The following NSL1 variants were observed in gnomAD, a reference collection of about 807,000 sequenced individuals.
The protein encoded by NSL1 is kinetochore-associated protein NSL1 homolog.
A neutral mutation model predicts 25.4 loss-of-function variants in NSL1; 11 were observed. The ratio of observed to expected loss-of-function variants is 0.43; its 90% CI spans 0.27 to 0.72. NSL1 has a LOEUF of 0.72. Among genes scored for constraint, NSL1 ranks in the 30% least tolerant of loss-of-function variants. The pLI is 0.19. For synonymous variants in NSL1, 118 were observed against 120.6 expected (o/e 0.98, Z 0.14); for missense variants, 330 against 342.7 (o/e 0.96, Z 0.29).
Position 212,745,874 on chromosome 1 carries a change from T to A in NSL1, c.500-6273A>T, listed in dbSNP as rs146974960. On this transcript the variant is annotated intron_variant, in intron 4 of 5. Coordinates refer to ENST00000366977, the MANE Select transcript of NSL1 (RefSeq NM_015471.4). ...CAGCTACTCAGGAGACTGAGGTGGA[T>A]GGATCACCTGAGCCCAGGGAGGCTG... is the stretch of plus-strand genomic sequence containing the variant. 2.2e-3 allele frequency among the ~76,000 whole-genome samples: 339 copies of A among 152,172 alleles called. 1 individual carries two copies. The highest frequency in any genetic ancestry group is 7.6e-3 in the African/African-American group (317 of 41,490).
chr1:212,783,034 T>C (rs1191952377), intron 3 of NSL1, among the ~76,000 whole-genome samples: 2 of 152,148 alleles, frequency 1.3e-5, no homozygotes, highest in African/African-American at 4.8e-5. Context: ...CAGCCAGCTG[T>C]GGTGACTCAC....
chr1:212,775,601 G>GA lies in NSL1; in HGVS notation c.499+6770dup, dbSNP rs202017196. 8.6e-3 allele frequency among the ~76,000 whole-genome samples: 1,016 copies of GA among 117,882 alleles called. 13 individuals are homozygous for GA. Among genetic ancestry groups the GA allele is most frequent in the African/African-American group, 0.031 (837 of 27,328 alleles). The allele number at this position is 117,882 out of a possible 152,430, so 77.3% of individuals were successfully genotyped here. On this transcript the variant is annotated intron_variant, in intron 4 of 5. Coordinates refer to ENST00000366977, the MANE Select transcript of NSL1 (RefSeq NM_015471.4). ...ATATAGAAAGACCCCACCTCTACCA[G>GA]AAAAAAAAAACAAAACAAAACTCAA...
Position 212,791,677 on chromosome 1 carries a change from G to A in NSL1, c.87C>T (p.Ser29=). Residue 29 remains serine (S), a synonymous_variant, in exon 1 of 6, where the codon TCC becomes TCT. Coordinates refer to ENST00000366977, the MANE Select transcript of NSL1 (RefSeq NM_015471.4). ...AAGTESQALV[S]ATPREDFRVR... is the part of the protein sequence containing the mutation. ...CCCGAAAGTCTTCTCGGGGAGTGGC[G>A]GAGACCAAGGCCTGGCTCTCTGTGC... The A allele has an allele frequency of 6.2e-7, 1 of 1,613,910 alleles. No homozygotes were observed. Among genetic ancestry groups the A allele is most frequent in the Non-Finnish European group, 8.5e-7 (1 of 1,180,000 alleles).
At chr1:212,781,353 T>C (rs1660725798) in intron 4 of NSL1, among the ~76,000 whole-genome samples, 1 of 152,206 alleles carries the variant, frequency 6.6e-6, no homozygotes, top group Admixed American at 6.5e-5. Context: ...ACCACAAGTT[T>C]CAATTACTGT....
chr1:212,729,443 A>C lies in NSL1; in HGVS notation c.*8965T>G, dbSNP rs535339314. On this transcript the variant is annotated 3_prime_UTR_variant, in exon 6 of 6. Coordinates refer to ENST00000366977, the MANE Select transcript of NSL1 (RefSeq NM_015471.4). ...TGTAATAAAAGGTGTGGCTACGAAAAATCATTTTACAATATTGTCTGGCAC... is the reference window on the plus strand; with the variant it reads ...TGTAATAAAAGGTGTGGCTACGAAACATCATTTTACAATATTGTCTGGCAC... The C allele has an allele frequency of 1.0e-6, 1 of 985,434 alleles. No individual in the cohort carries two copies. Among genetic ancestry groups the C allele is most frequent in the African/African-American group, 1.7e-5 (1 of 57,356 alleles). 61.0% of individuals were successfully genotyped at this position (985,434 alleles called of 1,614,324 possible). A position where few individuals can be genotyped will look rare whatever the true frequency, so the allele number is the denominator to read the frequency against.
Position 212,734,466 on chromosome 1 carries a change from A to C in NSL1, c.*3942T>G, listed in dbSNP as rs1658153463. ...TAGTTCAACAAAATTTTACATACAT[A>C]TACAGCCATGTGAGCACCACTCAGA... is the stretch of plus-strand genomic sequence containing the variant. On this transcript the variant is annotated 3_prime_UTR_variant, in exon 6 of 6. Transcript: ENST00000366977. 6.6e-6 allele frequency among the ~76,000 whole-genome samples: 1 copy of C among 152,232 alleles called. No individual in the cohort carries two copies. The highest frequency in any genetic ancestry group is 6.5e-5 in the Admixed American group (1 of 15,282).
chr1:212,761,898 T>G (rs111589978), intron 4 of NSL1, among the ~76,000 whole-genome samples: 2,276 of 151,178 alleles, frequency 0.015, 62 homozygotes, highest in African/African-American at 0.053. Context: ...TCTTTTGGCT[T>G]CCCTAAGCCA....
At chr1:212,782,306 A>G (rs557779798) in intron 4 of NSL1, 66 bp downstream of exon 4, 4 of 1,102,160 alleles carry the variant, frequency 3.6e-6, no homozygotes, top group African/African-American at 1.5e-5. Flanking sequence ...TTTTAGAAGA[A>G]TATCAGAAAC....
chr1:212,736,131 G>C lies in NSL1; in HGVS notation c.*2277C>G. On this transcript the variant is annotated 3_prime_UTR_variant, in exon 6 of 6. Transcript: ENST00000366977. ...TGGCTCACTGCAACTTCTGCCTCCA[G>C]GGCTCAAGTGATCCTCTCATTTCAG... 1.2e-6 allele frequency: 1 copy of C among 815,280 alleles called. No individual in the cohort carries two copies. Among genetic ancestry groups the C allele is most frequent in the Non-Finnish European group, 1.5e-6 (1 of 674,894 alleles). 50.5% of individuals were successfully genotyped at this position (815,280 alleles called of 1,614,324 possible).
intron 4 of NSL1, among the ~76,000 whole-genome samples, chr1:212,775,001 A>G (rs927322458): frequency 2.6e-5 from 4 of 152,370 alleles, no homozygotes; most frequent in Middle Eastern, 3.4e-3. Flanking sequence ...CTGTATACTC[A>G]TGAATATATA....
At chr1:212,776,496 G>A (rs936546315) in intron 4 of NSL1, among the ~76,000 whole-genome samples, 1 of 151,950 alleles carries the variant, frequency 6.6e-6, no homozygotes, top group African/African-American at 2.4e-5. Context: ...CAAGACTGCA[G>A]TGAGGCTGTA....
rs993336098 is a variant in NSL1 at position 212,741,778 on chromosome 1, A to G, written c.500-2177T>C. On this transcript the variant is annotated intron_variant, in intron 4 of 5. Coordinates refer to ENST00000366977, the MANE Select transcript of NSL1 (RefSeq NM_015471.4). ...TACAGCTGAGCAGTAGGTACTTATA[A>G]TAAGTAAAAATGGTCCCTGCCCATC... Among the ~76,000 whole-genome samples, 2 of 152,330 alleles carry G rather than the reference A, an allele frequency of 1.3e-5. 1 individual carries two copies. The highest frequency in any genetic ancestry group is 4.1e-4 in the South Asian group (2 of 4,828).
intron 4 of NSL1, among the ~76,000 whole-genome samples, chr1:212,765,270 A>G (rs1015001088): frequency 6.6e-6 from 1 of 152,186 alleles, no homozygotes; most frequent in Non-Finnish European, 1.5e-5. Flanking sequence ...AAAACTAGGA[A>G]AGGACATAAC....
chr1:212,759,673 CA>C (rs1405966649), intron 4 of NSL1, among the ~76,000 whole-genome samples: 2 of 152,086 alleles, frequency 1.3e-5, no homozygotes, highest in Non-Finnish European at 2.9e-5. Flanking sequence ...CCCTAGGGCC[CA>C]AAAGCCCCTA....
chr1:212,766,319 T>A, intron 4 of NSL1: 1 of 545,156 alleles, frequency 1.8e-6, no homozygotes, highest in Non-Finnish European at 3.3e-6. Flanking sequence ...CTATTCAACA[T>A]AGTACTCAGC....
rs1017040622 is a variant in NSL1, at chr1:212,731,137, A to G, written c.*7271T>C. On this transcript the variant is annotated 3_prime_UTR_variant, in exon 6 of 6. Transcript: ENST00000366977. Reference sequence around the variant, plus strand: ...TCTCTAGAGAGATATTTTTTTCTTCAGAGACTTTCATAATATAATCTATTT... The same window carrying G: ...TCTCTAGAGAGATATTTTTTTCTTCGGAGACTTTCATAATATAATCTATTT... 1.1e-5 allele frequency: 11 copies of G among 969,330 alleles called. No individual in the cohort carries two copies. Among genetic ancestry groups the G allele is most frequent in the Non-Finnish European group, 1.2e-5 (10 of 821,628 alleles). 60.0% of individuals were successfully genotyped at this position (969,330 alleles called of 1,614,324 possible).
intron 4 of NSL1, among the ~76,000 whole-genome samples, chr1:212,776,896 GACAA>G (rs887944144): frequency 4.0e-5 from 6 of 151,700 alleles, no homozygotes; most frequent in Admixed American, 1.3e-4. Flanking sequence ...TAAAAAATAA[GACAA>G]ACAAATGAAT....
At chr1:212,787,470 T>A in intron 2 of NSL1, 89 bp downstream of exon 2, 3 of 865,874 alleles carry the variant, frequency 3.5e-6, no homozygotes, top group Non-Finnish European at 5.4e-6. Context: ...TAAATGACAC[T>A]AAATATGGAG....
At position 212,791,604 on chromosome 1, in the gene NSL1, C is replaced by T. The variant is rs374241953; in HGVS notation, c.160G>A (p.Gly54Ser). 5 of 1,613,782 alleles carry T rather than the reference C, an allele frequency of 3.1e-6. No individual in the cohort carries two copies. Among genetic ancestry groups the T allele is most frequent in the Non-Finnish European group, 4.2e-6 (5 of 1,180,048 alleles). ...TCCCCGAGCTTTTGCACGAAGCGGC[C>T]GCACAGTTGTAGCATTTCGGTCACA... ...RAVTEMLQLC[G>S]RFVQKLGDAL... Residue 54 changes from glycine (G) to serine (S), a missense_variant, in exon 1 of 6, where the codon GGC (glycine) becomes AGC (serine). Physicochemically the swap from Gly to Ser is moderately conservative, Grantham distance 56. Coordinates refer to ENST00000366977, the MANE Select transcript of NSL1 (RefSeq NM_015471.4).
Sources: allele counts gnomAD v4.1 joint callset (sites outside exome capture counted in the v4.1 genomes callset), GRCh38; gene constraint gnomAD v4.1.1; transcripts MANE v1.5; gene names NCBI Gene and HGNC (gene_info 2026-07-23, HGNC 2026-07-21).